Variants in CDH12 observed in about 807,000 individuals in gnomAD.
The protein encoded by CDH12 is cadherin-12.
CDH12 carries 41 observed loss-of-function variants against 74.1 expected under a neutral mutation model. That is an observed-to-expected ratio of 0.55 (90% confidence interval 0.43 to 0.72). The LOEUF is 0.72. CDH12 is among the 30% of genes least tolerant of loss of function. CDH12 has a pLI of 0.00. For missense variants in CDH12, 945 were observed against 977.2 expected (o/e 0.97, Z 0.44); for synonymous variants, 399 against 355.0 (o/e 1.12, Z -1.39).
chr5:22,505,020 A>C (rs535538143), intron 2 of CDH12, among the ~76,000 whole-genome samples: 1 of 152,120 alleles, frequency 6.6e-6, no homozygotes, highest in African/African-American at 2.4e-5. Context: ...AAAATAAAAC[A>C]AAGAAGCTAA....
intron 6 of CDH12, among the ~76,000 whole-genome samples, chr5:21,894,411 A>G (rs1247697102): frequency 1.3e-5 from 2 of 150,944 alleles, no homozygotes; most frequent in Non-Finnish European, 3.0e-5. Flanking sequence ...AAAAGAAAGC[A>G]TAAATATCTC....
chr5:22,431,508 A>G (rs569846887), intron 2 of CDH12, among the ~76,000 whole-genome samples: 1 of 152,366 alleles, frequency 6.6e-6, no homozygotes, highest in African/African-American at 2.4e-5. Context: ...TGTATTTACT[A>G]TACTATTCTT....
chr5:22,201,019 G>A (rs1203713996), intron 4 of CDH12, among the ~76,000 whole-genome samples: 1 of 152,166 alleles, frequency 6.6e-6, no homozygotes, highest in Non-Finnish European at 1.5e-5. Flanking sequence ...TGTATGAAAT[G>A]TATCTTGAGT....
chr5:22,222,615 A>G (rs772564425), intron 3 of CDH12, among the ~76,000 whole-genome samples: 102 of 151,936 alleles, frequency 6.7e-4, no homozygotes, highest in Non-Finnish European at 1.1e-3. Context: ...TATCAAAATC[A>G]TATATTATTA....
intron 4 of CDH12, among the ~76,000 whole-genome samples, chr5:22,208,477 T>C (rs957353380): frequency 1.3e-5 from 2 of 152,248 alleles, no homozygotes; most frequent in African/African-American, 4.8e-5. Flanking sequence ...TCTTTTCTAC[T>C]GGCCTCATTA....
intron 6 of CDH12, among the ~76,000 whole-genome samples, chr5:21,957,323 C>T (rs1325071141): frequency 1.3e-5 from 2 of 152,098 alleles, no homozygotes; most frequent in African/African-American, 2.4e-5. Context: ...TATTGATGAG[C>T]ATTGAGGTGG....
chr5:22,466,053 C>T (rs918085866), intron 2 of CDH12, among the ~76,000 whole-genome samples: 1 of 152,100 alleles, frequency 6.6e-6, no homozygotes, highest in Non-Finnish European at 1.5e-5. Flanking sequence ...TCCTGGGGCA[C>T]GGCTTTTATT....
chr5:22,065,465 T>TGAAACATGGAGCCAAAGTTTGCCC (rs1271604005), intron 5 of CDH12, among the ~76,000 whole-genome samples: 4 of 152,166 alleles, frequency 2.6e-5, no homozygotes, highest in Admixed American at 1.3e-4. Flanking sequence ...TTTGTTTGGC[T>TGAAACATGGAGCCAAAGTTTGCCC]GAAACATGGA....
chr5:22,680,161 C>G (rs879824210), intron 1 of CDH12, among the ~76,000 whole-genome samples: 1 of 152,038 alleles, frequency 6.6e-6, no homozygotes, highest in African/African-American at 2.4e-5. Flanking sequence ...GGCTTGGCTT[C>G]TGGAGTTGGA....
rs184648902 is a variant in CDH12 at position 21,999,624 on chromosome 5, A to G, written c.232-24239T>C. Among the ~76,000 whole-genome samples, 605 of 152,124 alleles carry G rather than the reference A, an allele frequency of 4.0e-3. 10 individuals are homozygous for G. Among genetic ancestry groups the G allele is most frequent in the African/African-American group, 0.014 (570 of 41,502 alleles). ...TTAGTGAACAATATCTGTTAAAGGC[A>G]TCTCTTTGGAACTTCAAGTCTAGTG... On this transcript the variant is annotated intron_variant, in intron 5 of 14. Transcript: ENST00000382254.
chr5:22,122,809 C>A (rs1317474714), intron 4 of CDH12, among the ~76,000 whole-genome samples: 2 of 152,202 alleles, frequency 1.3e-5, no homozygotes, highest in African/African-American at 4.8e-5. Context: ...TATCTTTGAA[C>A]TGGGATATTG....
At chr5:21,833,791 T>A (rs1749375840) in intron 8 of CDH12, among the ~76,000 whole-genome samples, 1 of 151,782 alleles carries the variant, frequency 6.6e-6, no homozygotes, top group Non-Finnish European at 1.5e-5. Flanking sequence ...CTATGTCAGT[T>A]GAAACAGAAC....
chr5:22,586,994 C>T (rs1365673902), intron 1 of CDH12, among the ~76,000 whole-genome samples: 2 of 151,696 alleles, frequency 1.3e-5, no homozygotes, highest in African/African-American at 4.8e-5. Flanking sequence ...TTATACCACG[C>T]CTGGCTAATT....
intron 1 of CDH12, among the ~76,000 whole-genome samples, chr5:22,707,531 T>C (rs1362659979): frequency 6.6e-6 from 1 of 152,168 alleles, no homozygotes; most frequent in Non-Finnish European, 1.5e-5. Flanking sequence ...ATCAGTGTCA[T>C]TTATGATAAT....
chr5:22,749,272 G>A (rs138400540), intron 1 of CDH12, among the ~76,000 whole-genome samples: 63 of 152,320 alleles, frequency 4.1e-4, no homozygotes, highest in Non-Finnish European at 8.4e-4. Flanking sequence ...TGTCTGAAGC[G>A]CAGGTGAGAA....
chr5:21,858,494 T>A (rs1002593436), intron 6 of CDH12, among the ~76,000 whole-genome samples: 3 of 151,962 alleles, frequency 2.0e-5, no homozygotes, highest in Non-Finnish European at 2.9e-5. Flanking sequence ...ATATAATATC[T>A]TATATGGTCA....
At chr5:22,047,780 T>C (rs1740063456) in intron 5 of CDH12, among the ~76,000 whole-genome samples, 2 of 152,172 alleles carry the variant, frequency 1.3e-5, no homozygotes, top group South Asian at 4.1e-4. Context: ...CCAACATACC[T>C]AAAATTACTC....
chr5:22,037,229 C>A (rs530308968), intron 5 of CDH12, among the ~76,000 whole-genome samples: 157 of 152,196 alleles, frequency 1.0e-3, no homozygotes, highest in Non-Finnish European at 1.9e-3. Context: ...CCCTACATGA[C>A]AAAAGAGATT....
intron 5 of CDH12, among the ~76,000 whole-genome samples, chr5:21,993,777 C>T (rs1006192971): frequency 1.3e-5 from 2 of 151,758 alleles, no homozygotes; most frequent in Non-Finnish European, 2.9e-5. Context: ...TTTTTGCCTG[C>T]AGAACTGTGA....
Sources: gnomAD v4.1 joint callset for allele counts (sites outside exome capture counted in the v4.1 genomes callset) on GRCh38, gnomAD v4.1.1 for gene constraint, MANE v1.5 for transcripts, NCBI Gene and HGNC (gene_info 2026-07-23, HGNC 2026-07-21) for gene names.